SLAMF1: variants seen among roughly 807,000 people sequenced by gnomAD.
SLAMF1 encodes the protein signaling lymphocytic activation molecule family member 1, also known as signaling lymphocytic activation molecule.
Under a neutral mutation model 35.1 loss-of-function variants are expected in SLAMF1, and 18 were observed. The ratio of observed to expected loss-of-function variants is 0.51; its 90% CI spans 0.35 to 0.76. The LOEUF (loss-of-function observed/expected upper bound fraction) is 0.76, where lower values mean the gene tolerates loss of function less well. Ranked by LOEUF, SLAMF1 falls within the 30% of genes least tolerant of loss-of-function variation. The pLI, the probability that SLAMF1 is intolerant of heterozygous loss-of-function variation, is 0.01. For synonymous variants in SLAMF1, 168 were observed against 157.2 expected, an observed-to-expected ratio of 1.07 and a Z score of -0.51; for missense variants, 392 against 413.0, an observed-to-expected ratio of 0.95 and a Z score of 0.44.
chr1:160,630,641 G>A (rs940548507), intron 3 of SLAMF1, among the ~76,000 whole-genome samples: 2 of 151,998 alleles, frequency 1.3e-5, no homozygotes, highest in South Asian at 4.2e-4. Flanking sequence ...TTTGGCTCGG[G>A]TCCCATCATT....
intron 6 of SLAMF1, among the ~76,000 whole-genome samples, chr1:160,611,590 T>C (rs1236699729): frequency 6.6e-6 from 1 of 152,196 alleles, no homozygotes; most frequent in Non-Finnish European, 1.5e-5. Context: ...GGCTCTCTTC[T>C]GAAAGAGCCC....
rs1658863814 is a variant in SLAMF1, at chr1:160,609,431, A to G, written c.*1317T>C. On this transcript the variant is annotated 3_prime_UTR_variant, in exon 7 of 7. Transcript: ENST00000302035. ...AGATGCACTAAGCAACAGGCTTACA[A>G]TGTGAATTGACCTCATAGAGGAGGT... The G allele has an allele frequency of 6.6e-6, 1 of 152,242 alleles. No homozygotes were observed. Among genetic ancestry groups the G allele is most frequent in the African/African-American group, 2.4e-5 (1 of 41,468 alleles). 9.4% of individuals were successfully genotyped at this position (152,242 alleles called of 1,614,324 possible).
chr1:160,610,645 T>G lies in SLAMF1; in HGVS notation c.*103A>C. On this transcript the variant is annotated 3_prime_UTR_variant, in exon 7 of 7. Transcript: ENST00000302035. ...AGTTGATCTGAGAAGGGTACAGACG[T>G]GCAGCATGTCTGCCAGAGGAAACTT... 1.3e-6 allele frequency: 1 copy of G among 792,408 alleles called. No homozygotes were observed. The highest frequency in any genetic ancestry group is 2.3e-6 in the Non-Finnish European group (1 of 441,596). The allele number at this position is 792,408 out of a possible 1,614,324, so 49.1% of individuals were successfully genotyped here.
At chr1:160,643,064 G>A (rs969203769) in intron 1 of SLAMF1, among the ~76,000 whole-genome samples, 1 of 151,954 alleles carries the variant, frequency 6.6e-6, no homozygotes, top group African/African-American at 2.4e-5. Flanking sequence ...CCCCTAGGAT[G>A]ATGTGATAAG....
rs759097231 is a variant in SLAMF1 at position 160,634,740 on chromosome 1, G to C, written c.573C>G (p.Ser191=). The part of the protein sequence containing the change: ...GTHPLNPANS[S]HLLSLTLGPQ... ...GGCCGAGGGTGAGGGACAGGAGGTGGGAGCTGTTGGCTGGGTTCAGTGGGT... is the reference window on the plus strand; with the variant it reads ...GGCCGAGGGTGAGGGACAGGAGGTGCGAGCTGTTGGCTGGGTTCAGTGGGT... Residue 191 remains serine, a synonymous_variant, in exon 3 of 7, where the codon TCC becomes TCG. Coordinates refer to ENST00000302035, the MANE Select transcript of SLAMF1 (RefSeq NM_003037.5). 1.2e-6 allele frequency: 2 copies of C among 1,614,166 alleles called. No homozygotes were observed. The highest frequency in any genetic ancestry group is 1.1e-5 in the South Asian group (1 of 91,078).
intron 1 of SLAMF1, among the ~76,000 whole-genome samples, chr1:160,639,285 T>C (rs1352521318): frequency 6.6e-6 from 1 of 152,022 alleles, no homozygotes; most frequent in African/African-American, 2.4e-5. Context: ...GAGTGCAATG[T>C]TGCGATCTCG....
At chr1:160,624,856 A>T (rs892876487) in intron 3 of SLAMF1, among the ~76,000 whole-genome samples, 2 of 152,216 alleles carry the variant, frequency 1.3e-5, no homozygotes, top group Non-Finnish European at 2.9e-5. Context: ...ATCCTTTTGA[A>T]CTAGGAGCAA....
At position 160,642,637 on chromosome 1, in the gene SLAMF1, C is replaced by A. The variant is rs942887594; in HGVS notation, c.76+4233G>T. Among the ~76,000 whole-genome samples the A allele has an allele frequency of 2.6e-5, 4 of 152,170 alleles. No individual in the cohort carries two copies. Among genetic ancestry groups the A allele is most frequent in the African/African-American group, 7.2e-5 (3 of 41,434 alleles). ...CAGAATGGGATGAATGAAAAATGAGCAAATGACAACACAGAGTCCAAGTTC... is the reference window on the plus strand; with the variant it reads ...CAGAATGGGATGAATGAAAAATGAGAAAATGACAACACAGAGTCCAAGTTC... On this transcript the variant is annotated intron_variant, in intron 1 of 6. Transcript: ENST00000302035. This position sits in a 1 kb window ranked among gnomAD's most constrained non-coding sequence, Gnocchi z 4.2.
At chr1:160,639,762 A>G (rs561259940) in intron 1 of SLAMF1, among the ~76,000 whole-genome samples, 1 of 152,260 alleles carries the variant, frequency 6.6e-6, no homozygotes, top group Non-Finnish European at 1.5e-5. Context: ...TAGCACCGAT[A>G]GAATAAAACC....
chr1:160,610,254 GA>G lies in SLAMF1; in HGVS notation c.*493del, dbSNP rs9282850. On this transcript the variant is annotated 3_prime_UTR_variant, in exon 7 of 7. Transcript: ENST00000302035. ...TCTATTCACTCTTTATCCTGAGAGAGAAACTGAGGCACAGAGGCTTGATCAG... is the reference window on the plus strand; with the variant it reads ...TCTATTCACTCTTTATCCTGAGAGAGAACTGAGGCACAGAGGCTTGATCAG... 1.6e-3 allele frequency: 725 copies of G among 456,620 alleles called. 3 individuals are homozygous for G. The highest frequency in any genetic ancestry group is 0.013 in the African/African-American group (673 of 50,190). 28.3% of individuals were successfully genotyped at this position (456,620 alleles called of 1,614,324 possible). A position where few individuals can be genotyped will look rare whatever the true frequency, so the allele number is the denominator to read the frequency against.
intron 3 of SLAMF1, among the ~76,000 whole-genome samples, chr1:160,627,718 G>T (rs913467883): frequency 1.1e-4 from 16 of 152,082 alleles, no homozygotes; most frequent in African/African-American, 3.9e-4. Flanking sequence ...GTAATTTCTG[G>T]GAGTAATTTC....
Position 160,644,017 on chromosome 1 carries a change from CA to C in SLAMF1, c.76+2852del, listed in dbSNP as rs368320606. Among the ~76,000 whole-genome samples the C allele has an allele frequency of 6.2e-4, 94 of 150,992 alleles. 1 individual carries two copies. Among genetic ancestry groups the C allele is most frequent in the Middle Eastern group, 3.4e-3 (1 of 292 alleles). On this transcript the variant is annotated intron_variant, in intron 1 of 6. Transcript: ENST00000302035. Reference sequence around the variant, plus strand: ...GATAATCAATAAACAAACTAGTTAACAAAAAAAAATTAAATGAACATTTGCA... The same window carrying C: ...GATAATCAATAAACAAACTAGTTAACAAAAAAAATTAAATGAACATTTGCA...
At position 160,615,866 on chromosome 1, in the gene SLAMF1, C is replaced by T. The variant is rs750302507; in HGVS notation, c.865-3286G>A. ...CACAACTACAAGCCAACAAATGCCA[C>T]GGAGAGCCTGGAGCCACCAGATGCT... On this transcript the variant is annotated intron_variant, in intron 5 of 6. Transcript: ENST00000302035. 3.3e-5 allele frequency: 6 copies of T among 183,572 alleles called. No homozygotes were observed. The South Asian group carries it at 3.8e-4, about 12-fold the overall frequency. 11.4% of individuals were successfully genotyped at this position (183,572 alleles called of 1,614,324 possible). A position where few individuals can be genotyped will look rare whatever the true frequency, so the allele number is the denominator to read the frequency against.
In SLAMF1 at chr1:160,609,133, G is replaced by T. The variant is rs1557998420; in HGVS notation, c.*1615C>A. On this transcript the variant is annotated 3_prime_UTR_variant, in exon 7 of 7. Transcript: ENST00000302035. ...GTCCAGCAGAGACAGTGAGGCAGTG[G>T]TAGAGTCTGTGCCTAGTGCTGGGGA... The T allele has an allele frequency of 6.6e-6, 1 of 152,388 alleles. No homozygotes were observed. The highest frequency in any genetic ancestry group is 2.1e-4 in the South Asian group (1 of 4,830). The allele number at this position is 152,388 out of a possible 1,614,324, so 9.4% of individuals were successfully genotyped here. A position where few individuals can be genotyped will look rare whatever the true frequency, so the allele number is the denominator to read the frequency against.
At chr1:160,645,580 T>C (rs1412856682) in intron 1 of SLAMF1, among the ~76,000 whole-genome samples, 1 of 152,150 alleles carries the variant, frequency 6.6e-6, no homozygotes, top group Non-Finnish European at 1.5e-5. Flanking sequence ...CATCACTCCA[T>C]CACACCTTAC....
intron 2 of SLAMF1, 64 bp downstream of exon 2, chr1:160,637,127 T>C (rs1289443035): frequency 8.9e-7 from 1 of 1,124,788 alleles, no homozygotes; most frequent in African/African-American, 1.5e-5. Context: ...AAGAGAGACC[T>C]AAATTCTTGG....
intron 4 of SLAMF1, chr1:160,623,670 A>G: frequency 5.0e-6 from 2 of 400,124 alleles, no homozygotes; most frequent in Non-Finnish European, 8.8e-6. Context: ...AGGCACTTCA[A>G]CTGCAGGGGA....
chr1:160,629,300 C>CGT (rs1553240721), intron 3 of SLAMF1, among the ~76,000 whole-genome samples: 1 of 133,782 alleles, frequency 7.5e-6, no homozygotes, highest in Non-Finnish European at 1.7e-5. Flanking sequence ...AACACAGAAG[C>CGT]GTGTCTCTCT....
chr1:160,633,653 C>A (rs1279020342), intron 3 of SLAMF1, among the ~76,000 whole-genome samples: 2 of 152,220 alleles, frequency 1.3e-5, no homozygotes, highest in Non-Finnish European at 2.9e-5. Flanking sequence ...AGTCCCTGAA[C>A]CTGCCTGAGG....
Sources: allele counts gnomAD v4.1 joint callset (sites outside exome capture counted in the v4.1 genomes callset), GRCh38; gene constraint gnomAD v4.1.1; non-coding constraint Gnocchi (gnomAD v3.1); transcripts MANE v1.5; gene names NCBI Gene and HGNC (gene_info 2026-07-23, HGNC 2026-07-21).